WNK1: variants seen among roughly 807,000 people sequenced by gnomAD.
WNK1 encodes the protein WNK lysine deficient protein kinase 1.
WNK1 carries 38 observed loss-of-function variants against 222.8 expected under a neutral mutation model. The ratio of observed to expected loss-of-function variants is 0.17; its 90% confidence interval spans 0.13 to 0.22. WNK1 has a LOEUF of 0.22. Ranked by LOEUF, WNK1 falls within the 10% of genes least tolerant of loss-of-function variation. WNK1 has a pLI of 1.00. For missense variants in WNK1, 2,348 were observed against 2,918.4 expected (o/e 0.80, Z 4.50); for synonymous variants, 1,090 against 1,092.9 (o/e 1.00, Z 0.05).
chr12:772,763 T>G (rs1942681542), intron 1 of WNK1, among the ~76,000 whole-genome samples: 1 of 152,168 alleles, frequency 6.6e-6, no homozygotes, highest in Non-Finnish European at 1.5e-5. Context: ...GAACAGAAGT[T>G]TAGAAGTCAT....
At chr12:905,610 A>G (rs890933271) in intron 26 of WNK1, among the ~76,000 whole-genome samples, 1 of 152,172 alleles carries the variant, frequency 6.6e-6, no homozygotes, top group Non-Finnish European at 1.5e-5. Context: ...TCACCAAGCA[A>G]TAATTGTTCA....
chr12:890,580 T>G, intron 22 of WNK1, 67 bp downstream of exon 22: 1 of 1,570,448 alleles, frequency 6.4e-7, no homozygotes. Flanking sequence ...TTCAGGAGGT[T>G]TACCGTTTCA....
chr12:815,739 A>G (rs72648617), intron 2 of WNK1, among the ~76,000 whole-genome samples: 18,484 of 152,204 alleles, frequency 0.12, 1,413 homozygotes, highest in African/African-American at 0.2. Flanking sequence ...TTGGTTGTCA[A>G]CAGTTTGTCT....
Position 891,724 on chromosome 12 carries a change from A to G in WNK1, c.5509+1211A>G, listed in dbSNP as rs142368133. Among the ~76,000 whole-genome samples, 16 of 151,858 alleles carry G rather than the reference A, an allele frequency of 1.1e-4. No homozygotes were observed. The East Asian group carries it at 3.1e-3, about 29-fold the overall frequency. ...CCCTTTTGGGGTGCCTATGAGGGCA[A>G]CACTATTTTACAGTAAAACTAAGAC... is the stretch of plus-strand genomic sequence containing the variant. On this transcript the variant is annotated intron_variant, in intron 22 of 27. Coordinates refer to ENST00000315939, the MANE Select transcript of WNK1 (RefSeq NM_018979.4).
At chr12:843,050 C>G (rs1949750797) in intron 4 of WNK1, among the ~76,000 whole-genome samples, 1 of 152,184 alleles carries the variant, frequency 6.6e-6, no homozygotes, top group Non-Finnish European at 1.5e-5. Context: ...ATTCTCCTGC[C>G]TCAGCCTCCC....
chr12:853,192 A>G (rs747294466), intron 4 of WNK1, among the ~76,000 whole-genome samples: 3 of 152,208 alleles, frequency 2.0e-5, no homozygotes, highest in African/African-American at 2.4e-5. Flanking sequence ...GGAATTTTCT[A>G]TACAAAACTC....
intron 2 of WNK1, among the ~76,000 whole-genome samples, chr12:818,070 T>G (rs1591835270): frequency 6.6e-6 from 1 of 152,258 alleles, no homozygotes; most frequent in East Asian, 1.9e-4. Flanking sequence ...TACAATTCAG[T>G]GGCACTTAGT....
At chr12:883,161 A>T in intron 15 of WNK1, 102 bp downstream of exon 15, 1 of 1,047,932 alleles carries the variant, frequency 9.5e-7, no homozygotes, top group Non-Finnish European at 1.5e-6. Context: ...GTTTTTTTAA[A>T]GTTATGCATT....
At chr12:891,691 G>A (rs1415143369) in intron 22 of WNK1, among the ~76,000 whole-genome samples, 1 of 151,162 alleles carries the variant, frequency 6.6e-6, no homozygotes, top group Non-Finnish European at 1.5e-5. Flanking sequence ...TGGAGTGTGG[G>A]CTGAGGACCC....
chr12:887,394 C>T, intron 20 of WNK1, 90 bp downstream of exon 20: 3 of 1,314,476 alleles, frequency 2.3e-6, no homozygotes, highest in Non-Finnish European at 3.3e-6. Context: ...TTGGCTTTTG[C>T]CTATTTGTCT....
intron 4 of WNK1, among the ~76,000 whole-genome samples, chr12:840,940 A>G (rs1331721550): frequency 6.6e-6 from 1 of 152,226 alleles, no homozygotes; most frequent in Non-Finnish European, 1.5e-5. Context: ...TGCAAACTCA[A>G]AAGCTCAGTT....
chr12:783,189 A>G (rs527793838), intron 1 of WNK1, among the ~76,000 whole-genome samples: 30 of 152,240 alleles, frequency 2.0e-4, no homozygotes, highest in African/African-American at 7.0e-4. Flanking sequence ...TGCTGAGATT[A>G]TAAGTGTGAG....
In WNK1 at chr12:902,448, C is replaced by A. The variant is rs191681493; in HGVS notation, c.6643+1778C>A. Among the ~76,000 whole-genome samples the A allele has an allele frequency of 4.1e-3, 629 of 152,296 alleles. 3 individuals carry two copies. Among genetic ancestry groups the A allele is most frequent in the South Asian group, 0.011 (53 of 4,828 alleles). On this transcript the variant is annotated intron_variant, in intron 26 of 27. Transcript: ENST00000315939. ...TTTCTTCTCTATTAAGCCTAAGCAG[C>A]TACCAGTTGAAAAGATGCTAGGATC...
intron 4 of WNK1, among the ~76,000 whole-genome samples, chr12:852,022 A>G (rs1184552200): frequency 6.6e-6 from 1 of 152,190 alleles, no homozygotes; most frequent in Non-Finnish European, 1.5e-5. Context: ...ACCTTTATTA[A>G]GAGTTAATGT....
intron 8 of WNK1, among the ~76,000 whole-genome samples, chr12:863,020 C>T (rs1951335837): frequency 6.6e-6 from 1 of 152,178 alleles, no homozygotes; most frequent in Non-Finnish European, 1.5e-5. Flanking sequence ...AGTAGATCAT[C>T]AGATAATACC....
In WNK1 at chr12:900,623, C is replaced by A; in HGVS notation, c.6596C>A (p.Thr2199Asn). The change falls in exon 26 of 28, where the codon ACC becomes AAC. Residue 2199 changes from threonine (T) to asparagine (N), a missense_variant. By Grantham distance (65) the Thr-to-Asn change is moderately conservative (BLOSUM62 0). Coordinates refer to ENST00000315939, the MANE Select transcript of WNK1 (RefSeq NM_018979.4). ...AGTGACAACCTCTATTCAGCCTTCACCAGTGATGGTGCCATTTCAGTACCA... is the reference window on the plus strand; with the variant it reads ...AGTGACAACCTCTATTCAGCCTTCAACAGTGATGGTGCCATTTCAGTACCA... ...PSSDNLYSAF[T>N]SDGAISVPSL... is the part of the protein sequence containing the mutation. 6.2e-7 allele frequency: 1 copy of A among 1,614,194 alleles called. No individual in the cohort carries two copies. The highest frequency in any genetic ancestry group is 8.5e-7 in the Non-Finnish European group (1 of 1,180,030).
In WNK1 at chr12:894,010, G is replaced by C. The variant is rs551479293; in HGVS notation, c.5510-552G>C. 7.6e-4 allele frequency among the ~76,000 whole-genome samples: 116 copies of C among 151,766 alleles called. 1 individual carries two copies. Among genetic ancestry groups the C allele is most frequent in the African/African-American group, 2.6e-3 (108 of 41,392 alleles). ...AGGCAGGCATATTACCTGAGGTCAG[G>C]AGTTCAAGACCAGCCTGGACAACGT... On this transcript the variant is annotated intron_variant, in intron 22 of 27. Coordinates refer to ENST00000315939, the MANE Select transcript of WNK1 (RefSeq NM_018979.4).
Position 879,793 on chromosome 12 carries a change from T to C in WNK1, c.2594T>C (p.Met865Thr). 1 of 1,614,136 alleles carries C rather than the reference T, an allele frequency of 6.2e-7. No homozygotes were observed. The highest frequency in any genetic ancestry group is 8.5e-7 in the Non-Finnish European group (1 of 1,180,026). Residue 865 changes from methionine (M) to threonine (T), a missense_variant, in exon 11 of 28, where the codon ATG becomes ACG. Met to Thr is a moderately conservative substitution (Grantham distance 81). Coordinates refer to ENST00000315939, the MANE Select transcript of WNK1 (RefSeq NM_018979.4). ...QTGFSSLPIT[M>T]AAGITQPLLT... ...GGTTTCTCATCCCTTCCCATCACAA[T>C]GGCAGCTGGCATTACTCAGCCTCTG...
At chr12:767,794 G>A (rs1028515205) in intron 1 of WNK1, among the ~76,000 whole-genome samples, 2 of 152,026 alleles carry the variant, frequency 1.3e-5, no homozygotes, top group African/African-American at 2.4e-5. Flanking sequence ...TACCAGAAGA[G>A]TTTTTGGCTT....
Sources: allele counts gnomAD v4.1 joint callset (sites outside exome capture counted in the v4.1 genomes callset), GRCh38; gene constraint gnomAD v4.1.1; transcripts MANE v1.5; gene names NCBI Gene and HGNC (gene_info 2026-07-23, HGNC 2026-07-21).